Variants in SMG6 observed in about 807,000 individuals in gnomAD.
SMG6 encodes SMG6 nonsense mediated mRNA decay factor.
Under a neutral mutation model 142.2 loss-of-function variants are expected in SMG6, and 66 were observed. The observed-to-expected ratio is 0.46, with a 90% CI of 0.38 to 0.57. The LOEUF is 0.57. Ranked by LOEUF, SMG6 falls within the 20% of genes least tolerant of loss-of-function variation. The pLI is 0.00. For synonymous variants in SMG6, 779 were observed against 702.4 expected (o/e 1.11, Z -1.72); for missense variants, 1,793 against 1,832.0 (o/e 0.98, Z 0.39).
intron 8 of SMG6, among the ~76,000 whole-genome samples, chr17:2,275,921 C>G (rs1053858404): frequency 3.3e-5 from 5 of 152,266 alleles, no homozygotes; most frequent in East Asian, 1.9e-4. Flanking sequence ...TGCAACCATT[C>G]AGAGAGAGAA....
intron 13 of SMG6, among the ~76,000 whole-genome samples, chr17:2,154,788 A>T (rs1301250938): frequency 2.0e-5 from 3 of 152,210 alleles, no homozygotes; most frequent in Non-Finnish European, 4.4e-5. Flanking sequence ...TAATCACAGC[A>T]CTTTGGGAGG....
chr17:2,143,598 G>A (rs1051536649), intron 13 of SMG6, among the ~76,000 whole-genome samples: 16 of 152,150 alleles, frequency 1.1e-4, no homozygotes, highest in African/African-American at 3.4e-4. Context: ...GAGATGACGC[G>A]ATAGGTAGAG....
chr17:2,275,417 G>A (rs1011357183), intron 8 of SMG6, among the ~76,000 whole-genome samples: 2 of 152,080 alleles, frequency 1.3e-5, no homozygotes, highest in African/African-American at 4.8e-5. Flanking sequence ...GCGAGACTCT[G>A]TCACAAAACA....
intron 13 of SMG6, among the ~76,000 whole-genome samples, chr17:2,144,503 G>A (rs1300116670): frequency 6.7e-6 from 1 of 150,278 alleles, no homozygotes; most frequent in Non-Finnish European, 1.5e-5. Context: ...CACCATGCCT[G>A]GTCACCTTTG....
intron 13 of SMG6, among the ~76,000 whole-genome samples, chr17:2,156,990 A>T (rs1485453412): frequency 6.6e-6 from 1 of 152,070 alleles, no homozygotes; most frequent in African/African-American, 2.4e-5. Flanking sequence ...ACAGTAAGGG[A>T]AGGGTTTAAA....
At chr17:2,198,103 G>A (rs1173154566) in intron 10 of SMG6, among the ~76,000 whole-genome samples, 1 of 152,184 alleles carries the variant, frequency 6.6e-6, no homozygotes, top group Non-Finnish European at 1.5e-5. Context: ...CAGGTGAATG[G>A]TTAAACAACT....
intron 10 of SMG6, among the ~76,000 whole-genome samples, chr17:2,200,436 G>C (rs1047835042): frequency 6.6e-6 from 1 of 151,472 alleles, no homozygotes; most frequent in Non-Finnish European, 1.5e-5. Flanking sequence ...GTATACATGT[G>C]CCATGTTGGT....
At chr17:2,301,907 G>A (rs1447362733) in intron 1 of SMG6, among the ~76,000 whole-genome samples, 3 of 152,180 alleles carry the variant, frequency 2.0e-5, no homozygotes, top group Admixed American at 6.5e-5. Flanking sequence ...CAATGGAAAA[G>A]TGACAGAATT....
chr17:2,123,959 T>C (rs1285194831), intron 13 of SMG6, among the ~76,000 whole-genome samples: 3 of 152,228 alleles, frequency 2.0e-5, no homozygotes, highest in Non-Finnish European at 2.9e-5. Flanking sequence ...AACTATGTGC[T>C]TTACACTGAG....
At chr17:2,298,547 G>C (rs1431539820) in intron 2 of SMG6, among the ~76,000 whole-genome samples, 1 of 151,966 alleles carries the variant, frequency 6.6e-6, no homozygotes, top group East Asian at 1.9e-4. Context: ...GTGAAACTCC[G>C]TCTCTCTAAA....
intron 10 of SMG6, among the ~76,000 whole-genome samples, chr17:2,210,545 A>C (rs1363662837): frequency 6.6e-6 from 1 of 152,128 alleles, no homozygotes; most frequent in East Asian, 1.9e-4. Flanking sequence ...GAGGGTGCAC[A>C]GAGATGACAG....
At chr17:2,099,822 T>C (rs1007602024) in intron 13 of SMG6, among the ~76,000 whole-genome samples, 2 of 152,196 alleles carry the variant, frequency 1.3e-5, no homozygotes, top group African/African-American at 4.8e-5. Context: ...ACCAACTGTA[T>C]CACAATCACA....
chr17:2,124,871 C>CA (rs1425857710), intron 13 of SMG6, among the ~76,000 whole-genome samples: 1 of 152,150 alleles, frequency 6.6e-6, no homozygotes, highest in African/African-American at 2.4e-5. Context: ...TGCTGACCCT[C>CA]AAGGAAAATG....
chr17:2,279,653 C>A (rs774211673), intron 8 of SMG6, among the ~76,000 whole-genome samples: 1 of 152,088 alleles, frequency 6.6e-6, no homozygotes, highest in Non-Finnish European at 1.5e-5. Flanking sequence ...CTTCAAGTTA[C>A]GATTAGGAGG....
chr17:2,271,023 G>T (rs2074531578), intron 8 of SMG6, among the ~76,000 whole-genome samples: 1 of 152,016 alleles, frequency 6.6e-6, no homozygotes, highest in Admixed American at 6.6e-5. Context: ...AATAAGGCCA[G>T]GCGTGGTAGC....
chr17:2,278,512 T>C (rs1005482228), intron 8 of SMG6, among the ~76,000 whole-genome samples: 4 of 152,184 alleles, frequency 2.6e-5, no homozygotes, highest in Non-Finnish European at 5.9e-5. Context: ...GCCTAAACTA[T>C]ATATACATTA....
At chr17:2,176,277 A>G (rs1353831567) in intron 12 of SMG6, among the ~76,000 whole-genome samples, 1 of 152,112 alleles carries the variant, frequency 6.6e-6, no homozygotes, top group African/African-American at 2.4e-5. Context: ...TCTAGCCTTC[A>G]CCCGACAGCA....
At chr17:2,292,339 T>A (rs2075056273) in intron 6 of SMG6, among the ~76,000 whole-genome samples, 2 of 152,138 alleles carry the variant, frequency 1.3e-5, no homozygotes, top group African/African-American at 4.8e-5. Context: ...TTGAGTGCAG[T>A]GGTAAGTGGA....
chr17:2,255,180 G>A (rs1258821533), intron 8 of SMG6, among the ~76,000 whole-genome samples: 6 of 151,606 alleles, frequency 4.0e-5, no homozygotes, highest in African/African-American at 7.3e-5. Context: ...CGAGGCGGGC[G>A]GATCACGAGG....
Sources: allele counts gnomAD v4.1 joint callset (sites outside exome capture counted in the v4.1 genomes callset), GRCh38; gene constraint gnomAD v4.1.1; transcripts MANE v1.5; gene names NCBI Gene and HGNC (gene_info 2026-07-23, HGNC 2026-07-21).